Variants in ZWILCH observed in about 807,000 individuals in gnomAD.
ZWILCH encodes the protein zwilch kinetochore protein.
Under a neutral mutation model 79.9 loss-of-function variants are expected in ZWILCH, and 74 were observed. That is an observed-to-expected ratio of 0.93 (90% CI 0.77 to 1.12). The LOEUF (loss-of-function observed/expected upper bound fraction) is 1.12. ZWILCH is among the 50% of genes most tolerant of loss of function. ZWILCH has a pLI of 0.00. For missense variants in ZWILCH, 694 were observed against 687.5 expected, an observed-to-expected ratio of 1.01 and a Z score of -0.11; for synonymous variants, 241 against 228.2, an observed-to-expected ratio of 1.06 and a Z score of -0.51.
chr15:66,521,107 A>G lies in ZWILCH; in HGVS notation c.649A>G (p.Thr217Ala). The G allele has an allele frequency of 6.2e-7, 1 of 1,614,218 alleles. No individual in the cohort carries two copies. The highest frequency in any genetic ancestry group is 8.5e-7 in the Non-Finnish European group (1 of 1,180,044). ...CTTTAAGTCCTCTGCCTTGGATGAT[A>G]CAATCACAGCATCACAAACTGCGAT... ...ELFKSSALDD[T>A]ITASQTAIAL... The change falls in exon 7 of 19, where the codon ACA becomes GCA. Residue 217 changes from threonine to alanine, a missense_variant. Transcript: ENST00000307897.
intron 2 of ZWILCH, among the ~76,000 whole-genome samples, chr15:66,510,223 T>C (rs749707332): frequency 6.3e-5 from 8 of 127,662 alleles, no homozygotes; most frequent in Non-Finnish European, 1.3e-4. Flanking sequence ...TAAAATAAAA[T>C]ATAAAATAAA....
chr15:66,540,507 C>T (rs1012944449), intron 17 of ZWILCH, among the ~76,000 whole-genome samples: 3 of 151,830 alleles, frequency 2.0e-5, no homozygotes, highest in Non-Finnish European at 4.4e-5. Context: ...GAGCTGAGAT[C>T]GTGCCACTGC....
chr15:66,512,420 C>G (rs1314173167), intron 2 of ZWILCH, among the ~76,000 whole-genome samples: 1 of 150,982 alleles, frequency 6.6e-6, no homozygotes, highest in Non-Finnish European at 1.5e-5. Context: ...CCATACCTGG[C>G]TATTTTTTTT....
Position 66,535,962 on chromosome 15 carries a change from A to G in ZWILCH, c.1371A>G (p.Ile457Met), listed in dbSNP as rs1353771907. The G allele has an allele frequency of 6.2e-7, 1 of 1,609,352 alleles. No homozygotes were observed. Among genetic ancestry groups the G allele is most frequent in the Non-Finnish European group, 8.5e-7 (1 of 1,178,928 alleles). ...ACTTCATTGCTCCATCAGTAGATAT[A>G]CAAGAACAGGTTTATCGTGTCCAAA... ...LEYFIAPSVD[I>M]QEQVYRVQKL... Residue 457 changes from isoleucine (I) to methionine (M), a missense_variant, in exon 15 of 19, where the codon ATA becomes ATG. Physicochemically the swap from Ile to Met is conservative, Grantham distance 10. Coordinates refer to ENST00000307897, the MANE Select transcript of ZWILCH (RefSeq NM_017975.5).
intron 2 of ZWILCH, among the ~76,000 whole-genome samples, chr15:66,512,512 G>A (rs1295861488): frequency 3.3e-5 from 5 of 151,648 alleles, no homozygotes; most frequent in African/African-American, 7.3e-5. Flanking sequence ...TCAGCCTCCC[G>A]ATTAGCCGGG....
chr15:66,525,456 A>G (rs566621526), intron 8 of ZWILCH, among the ~76,000 whole-genome samples: 1 of 152,250 alleles, frequency 6.6e-6, no homozygotes, highest in Non-Finnish European at 1.5e-5. Flanking sequence ...CTTTTATTCC[A>G]CATATACCTT....
intron 1 of ZWILCH, among the ~76,000 whole-genome samples, chr15:66,506,959 C>T (rs919611057): frequency 4.6e-5 from 7 of 151,478 alleles, no homozygotes; most frequent in African/African-American, 1.5e-4. Context: ...CGGGCTCAAG[C>T]GATTCTCCTG....
chr15:66,536,189 G>A, intron 15 of ZWILCH, 120 bp downstream of exon 15: 2 of 863,378 alleles, frequency 2.3e-6, no homozygotes, highest in Admixed American at 3.5e-5. Flanking sequence ...TGTCTTTACA[G>A]TAGCATGCAT....
chr15:66,536,588 A>G (rs1197989206), intron 15 of ZWILCH, among the ~76,000 whole-genome samples: 2 of 152,188 alleles, frequency 1.3e-5, no homozygotes, highest in African/African-American at 4.8e-5. Context: ...TGAGGCCTCA[A>G]ACTAGGAAGT....
At chr15:66,516,391 C>G (rs562095868) in intron 4 of ZWILCH, among the ~76,000 whole-genome samples, 1 of 152,026 alleles carries the variant, frequency 6.6e-6, no homozygotes, top group Admixed American at 6.6e-5. Flanking sequence ...GGTGTCCTGG[C>G]GAATATAGTC....
At chr15:66,510,384 CAA>C (rs201172747) in intron 2 of ZWILCH, among the ~76,000 whole-genome samples, 2 of 77,650 alleles carry the variant, frequency 2.6e-5, no homozygotes, top group African/African-American at 5.4e-5. Flanking sequence ...GAGACTATCT[CAA>C]AAAAAAAAAA....
intron 17 of ZWILCH, among the ~76,000 whole-genome samples, chr15:66,544,764 G>GTGTGTGTGTGTGTGTGTGT (rs1555426558): frequency 6.6e-6 from 1 of 150,384 alleles, no homozygotes; most frequent in Non-Finnish European, 1.5e-5. Context: ...GTGTGTTTGA[G>GTGTGTGTGTGTGTGTGTGT]ATGGAGCCTT....
intron 5 of ZWILCH, 157 bp downstream of exon 5, chr15:66,519,235 C>T (rs1894403211): frequency 1.5e-6 from 1 of 672,186 alleles, no homozygotes. Flanking sequence ...TAACTTGCAG[C>T]ATGTGGGAGG....
intron 17 of ZWILCH, among the ~76,000 whole-genome samples, chr15:66,544,119 T>G (rs1009179105): frequency 1.3e-5 from 2 of 151,900 alleles, no homozygotes; most frequent in African/African-American, 4.8e-5. Flanking sequence ...TAGCCGGGCA[T>G]GGTGGCGCAT....
Position 66,508,912 on chromosome 15 carries a change from T to A in ZWILCH, c.105+20T>A. The A allele has an allele frequency of 6.2e-7, 1 of 1,611,714 alleles. No homozygotes were observed. Among genetic ancestry groups the A allele is most frequent in the Non-Finnish European group, 8.5e-7 (1 of 1,178,260 alleles). On this transcript the variant is annotated intron_variant, in intron 2 of 18. Transcript: ENST00000307897. ...TATGAGGTATGAACAATTTGGTTTTTAAACACAACTCTAATCCTAAAATTG... is the reference window on the plus strand; with the variant it reads ...TATGAGGTATGAACAATTTGGTTTTAAAACACAACTCTAATCCTAAAATTG...
At chr15:66,519,154 A>T in intron 5 of ZWILCH, 76 bp downstream of exon 5, 2 of 1,441,084 alleles carry the variant, frequency 1.4e-6, no homozygotes, top group Non-Finnish European at 9.7e-7. Context: ...TTTTTACGAA[A>T]ATTGATATTG....
intron 2 of ZWILCH, among the ~76,000 whole-genome samples, chr15:66,509,870 T>G (rs12905354): frequency 0.31 from 31,250 of 99,524 alleles, 5,105 homozygotes; most frequent in Middle Eastern, 0.43. Flanking sequence ...TATATATATA[T>G]CTCTTAAAAA....
chr15:66,522,984 G>A (rs1595911819), intron 7 of ZWILCH, among the ~76,000 whole-genome samples: 1 of 152,056 alleles, frequency 6.6e-6, no homozygotes, highest in Non-Finnish European at 1.5e-5. Context: ...CACTAAACCT[G>A]GCTAATTTTT....
At chr15:66,544,724 T>TTTTTTG (rs145952622) in intron 17 of ZWILCH, among the ~76,000 whole-genome samples, 133 of 128,544 alleles carry the variant, frequency 1.0e-3, no homozygotes, top group Admixed American at 1.3e-3. Flanking sequence ...TTTTTGGTTT[T>TTTTTTG]TGTGTGTGTG....
Sources: gnomAD v4.1 joint callset for allele counts (sites outside exome capture counted in the v4.1 genomes callset) on GRCh38, gnomAD v4.1.1 for gene constraint, MANE v1.5 for transcripts, NCBI Gene and HGNC (gene_info 2026-07-23, HGNC 2026-07-21) for gene names.